LRRC7: variants seen among roughly 807,000 people sequenced by gnomAD.
The protein encoded by LRRC7 is leucine rich repeat containing 7.
A neutral mutation model predicts 175.7 loss-of-function variants in LRRC7; 23 were observed. That is an observed-to-expected ratio of 0.13 (90% CI 0.09 to 0.19). The LOEUF is 0.19. Ranked by LOEUF, LRRC7 falls within the 10% of genes least tolerant of loss-of-function variation. The pLI, the probability that LRRC7 is intolerant of heterozygous loss-of-function variation, is 1.00. For synonymous variants in LRRC7, 685 were observed against 680.9 expected (o/e 1.01, Z -0.09); for missense variants, 1,354 against 1,904.7 (o/e 0.71, Z 5.38).
intron 26 of LRRC7, among the ~76,000 whole-genome samples, chr1:70,118,653 G>C (rs1235281350): frequency 3.3e-5 from 5 of 152,118 alleles, no homozygotes; most frequent in Non-Finnish European, 7.4e-5. Context: ...ATGTTATCAG[G>C]TGATTCAGCC....
chr1:69,715,302 C>A (rs1177279571), intron 2 of LRRC7, among the ~76,000 whole-genome samples: 1 of 152,148 alleles, frequency 6.6e-6, no homozygotes, highest in African/African-American at 2.4e-5. Flanking sequence ...CTGACTTATA[C>A]ATTTAATGAT....
chr1:69,751,501 C>T (rs180921128), intron 2 of LRRC7, among the ~76,000 whole-genome samples: 3 of 152,160 alleles, frequency 2.0e-5, no homozygotes, highest in Admixed American at 2.0e-4. Context: ...CAAAAGAGGA[C>T]TGCAAGTACA....
chr1:70,015,619 G>C, intron 13 of LRRC7, among the ~76,000 whole-genome samples: 1 of 152,150 alleles, frequency 6.6e-6, no homozygotes, highest in Non-Finnish European at 1.5e-5. Flanking sequence ...ACGATGTGTT[G>C]ATCATGCATA....
chr1:69,604,822 G>C (rs748585076), intron 1 of LRRC7, among the ~76,000 whole-genome samples: 3 of 152,112 alleles, frequency 2.0e-5, no homozygotes, highest in Admixed American at 6.6e-5. Flanking sequence ...AACTTAAAAA[G>C]TGTCCACTCT....
intron 11 of LRRC7, among the ~76,000 whole-genome samples, chr1:70,002,411 A>G (rs556379784): frequency 1.3e-5 from 2 of 152,348 alleles, no homozygotes; most frequent in Admixed American, 6.5e-5. Flanking sequence ...AGGACTCTGT[A>G]TACAAGTTAA....
intron 8 of LRRC7, among the ~76,000 whole-genome samples, chr1:69,978,116 G>A (rs1412370904): frequency 1.3e-5 from 2 of 152,102 alleles, no homozygotes; most frequent in East Asian, 1.9e-4. Flanking sequence ...TGGCCAACAT[G>A]GTGAAACCCC....
intron 7 of LRRC7, among the ~76,000 whole-genome samples, chr1:69,927,432 C>T (rs1376891353): frequency 1.3e-5 from 2 of 152,206 alleles, no homozygotes; most frequent in South Asian, 2.1e-4. Flanking sequence ...CTCCCCGTCA[C>T]TTTCAGGTAC....
rs1204650835 is a variant in LRRC7 at position 70,136,721 on chromosome 1, CTTTTTTTTTTTTT to C, written c.*14846_*14858del. On this transcript the variant is annotated 3_prime_UTR_variant, in exon 27 of 27. Coordinates refer to ENST00000651989, the MANE Select transcript of LRRC7 (RefSeq NM_001370785.2). ...TTCTGCTTTATTGCTTTTTTAATGC[CTTTTTTTTTTTTT>C]TTTTTTTTTTTCTGAGACAGGGTCT... Among the ~76,000 whole-genome samples, 422 of 98,366 alleles carry C rather than the reference CTTTTTTTTTTTTT, an allele frequency of 4.3e-3. 2 individuals are homozygous for C. Among genetic ancestry groups the C allele is most frequent in the African/African-American group, 0.016 (382 of 23,416 alleles). 64.5% of individuals were successfully genotyped at this position (98,366 alleles called of 152,430 possible).
intron 3 of LRRC7, among the ~76,000 whole-genome samples, chr1:69,778,004 T>C (rs1169326397): frequency 6.6e-6 from 1 of 152,236 alleles, no homozygotes; most frequent in Non-Finnish European, 1.5e-5. Context: ...GCCTCTATAG[T>C]CTGGCTACAG....
chr1:69,911,921 A>C (rs577980605), intron 7 of LRRC7, among the ~76,000 whole-genome samples: 9 of 150,234 alleles, frequency 6.0e-5, no homozygotes, highest in African/African-American at 1.9e-4. Flanking sequence ...AAATATTTGA[A>C]AAAAAAAAAA....
chr1:69,757,925 C>G (rs1410826929), intron 2 of LRRC7, among the ~76,000 whole-genome samples: 1 of 151,870 alleles, frequency 6.6e-6, no homozygotes, highest in Non-Finnish European at 1.5e-5. Flanking sequence ...CCCATAGCCT[C>G]TCTTTCCACC....
chr1:69,822,060 A>T (rs923281411), intron 4 of LRRC7, among the ~76,000 whole-genome samples: 4 of 152,086 alleles, frequency 2.6e-5, no homozygotes, highest in African/African-American at 9.7e-5. Context: ...CAGCCAGATG[A>T]TGGATTCTGA....
At chr1:69,861,901 G>A (rs1025988440) in intron 7 of LRRC7, among the ~76,000 whole-genome samples, 1 of 152,176 alleles carries the variant, frequency 6.6e-6, no homozygotes, top group African/African-American at 2.4e-5. Flanking sequence ...CATAAAATCA[G>A]TTGCTACAGT....
chr1:69,879,434 T>C (rs570171850), intron 7 of LRRC7, among the ~76,000 whole-genome samples: 72 of 152,184 alleles, frequency 4.7e-4, no homozygotes, highest in Non-Finnish European at 9.4e-4. Flanking sequence ...TCTGAGAGGC[T>C]ACTGAAAGGA....
intron 8 of LRRC7, among the ~76,000 whole-genome samples, chr1:69,934,988 C>A (rs925405533): frequency 6.6e-6 from 1 of 152,136 alleles, no homozygotes; most frequent in East Asian, 1.9e-4. Context: ...AGAAGCAAAA[C>A]GTGCTTTTTT....
Position 70,124,441 on chromosome 1 carries a change from G to A in LRRC7, c.*2554G>A, listed in dbSNP as rs900306832. 2.0e-5 allele frequency among the ~76,000 whole-genome samples: 3 copies of A among 152,100 alleles called. No individual in the cohort carries two copies. The highest frequency in any genetic ancestry group is 2.9e-5 in the Non-Finnish European group (2 of 68,026). On this transcript the variant is annotated 3_prime_UTR_variant, in exon 27 of 27. Coordinates refer to ENST00000651989, the MANE Select transcript of LRRC7 (RefSeq NM_001370785.2). ...GGAGGCTGAGGCATGAGAATCAATC[G>A]CTTGACCTGGGAGGCGGAGGTTGCA...
chr1:69,640,350 C>T (rs1654014880), intron 1 of LRRC7, among the ~76,000 whole-genome samples: 1 of 151,548 alleles, frequency 6.6e-6, no homozygotes, highest in African/African-American at 2.4e-5. Context: ...GGAGGAAGAA[C>T]ATGTTATAAA....
chr1:70,136,271 C>T lies in LRRC7; in HGVS notation c.*14384C>T, dbSNP rs1666869185. Among the ~76,000 whole-genome samples the T allele has an allele frequency of 6.6e-6, 1 of 151,980 alleles. No individual in the cohort carries two copies. The highest frequency in any genetic ancestry group is 1.5e-5 in the Non-Finnish European group (1 of 68,002). Reference sequence around the variant, plus strand: ...GCCATAAATATGCCCCGCAGGTTCACCTATACCCCAAAATATATACTTATA... The same window carrying T: ...GCCATAAATATGCCCCGCAGGTTCATCTATACCCCAAAATATATACTTATA... On this transcript the variant is annotated 3_prime_UTR_variant, in exon 27 of 27. Transcript: ENST00000651989.
chr1:69,770,494 T>C (rs1463961127), intron 3 of LRRC7, among the ~76,000 whole-genome samples: 1 of 152,214 alleles, frequency 6.6e-6, no homozygotes, highest in Non-Finnish European at 1.5e-5. Context: ...TTGTAGTTTC[T>C]CAAAACTTGA....
Sources: gnomAD v4.1 joint callset for allele counts (sites outside exome capture counted in the v4.1 genomes callset) on GRCh38, gnomAD v4.1.1 for gene constraint, MANE v1.5 for transcripts, NCBI Gene and HGNC (gene_info 2026-07-23, HGNC 2026-07-21) for gene names.